The following TEAD1 variants were observed in gnomAD, a reference collection of about 807,000 sequenced individuals.
The protein encoded by TEAD1 is transcriptional enhancer factor TEF-1.
In TEAD1, 9 loss-of-function variants were observed where a neutral mutation model predicts 54.9. The ratio of observed to expected loss-of-function variants is 0.16; its 90% CI spans 0.10 to 0.29. TEAD1 has a LOEUF of 0.29. Among genes scored for constraint, TEAD1 ranks in the 10% least tolerant of loss-of-function variants. TEAD1 has a pLI of 1.00. For missense variants in TEAD1, 387 were observed against 535.9 expected, an observed-to-expected ratio of 0.72 and a Z score of 2.74; for synonymous variants, 200 against 187.8, an observed-to-expected ratio of 1.07 and a Z score of -0.53.
At chr11:12,885,034 A>G (rs888835853) in intron 9 of TEAD1, among the ~76,000 whole-genome samples, 1 of 152,104 alleles carries the variant, frequency 6.6e-6, no homozygotes, top group Non-Finnish European at 1.5e-5. Flanking sequence ...CTGTCCTTAC[A>G]GTGCCCCATC....
chr11:12,820,421 T>C (rs1946520179), intron 3 of TEAD1, among the ~76,000 whole-genome samples: 1 of 151,796 alleles, frequency 6.6e-6, no homozygotes, highest in African/African-American at 2.4e-5. Flanking sequence ...TGTTTTTCCT[T>C]TCTTCTTCTC....
intron 3 of TEAD1, among the ~76,000 whole-genome samples, chr11:12,790,803 A>AC (rs1166123702): frequency 6.6e-6 from 1 of 152,166 alleles, no homozygotes. Context: ...GCAAATTAAA[A>AC]CCCCAGTGAG....
intron 2 of TEAD1, among the ~76,000 whole-genome samples, chr11:12,711,342 C>G (rs1304638970): frequency 1.3e-5 from 2 of 152,154 alleles, no homozygotes; most frequent in African/African-American, 4.8e-5. Flanking sequence ...TGACATAATT[C>G]ATATTTGTTC....
chr11:12,906,898 A>G (rs2134135625), intron 10 of TEAD1, among the ~76,000 whole-genome samples: 1 of 152,270 alleles, frequency 6.6e-6, no homozygotes, highest in African/African-American at 2.4e-5. Context: ...TTGTTCATTC[A>G]CTGGTTGATA....
chr11:12,892,640 C>T (rs1948220161), intron 9 of TEAD1, among the ~76,000 whole-genome samples: 2 of 152,002 alleles, frequency 1.3e-5, no homozygotes, highest in African/African-American at 2.4e-5. Context: ...GAGACTCTGT[C>T]TCAAAAAAAT....
At chr11:12,883,405 A>G (rs569206635) in intron 9 of TEAD1, among the ~76,000 whole-genome samples, 4 of 152,290 alleles carry the variant, frequency 2.6e-5, no homozygotes, top group African/African-American at 4.8e-5. Flanking sequence ...ACAAGCTCTT[A>G]TGTTTTGTAA....
chr11:12,708,456 T>C (rs1943865718), intron 2 of TEAD1, among the ~76,000 whole-genome samples: 1 of 152,044 alleles, frequency 6.6e-6, no homozygotes, highest in Non-Finnish European at 1.5e-5. Context: ...ATTAACTCCA[T>C]TGATCAAAAA....
At chr11:12,767,178 C>T (rs1383031489) in intron 3 of TEAD1, among the ~76,000 whole-genome samples, 1 of 152,150 alleles carries the variant, frequency 6.6e-6, no homozygotes, top group Non-Finnish European at 1.5e-5. Flanking sequence ...GAGGCCCCAG[C>T]CACTCGAGAA....
intron 3 of TEAD1, among the ~76,000 whole-genome samples, chr11:12,777,088 C>T (rs981208574): frequency 2.0e-5 from 3 of 151,872 alleles, no homozygotes; most frequent in African/African-American, 7.3e-5. Flanking sequence ...CCACCGCACC[C>T]AGCCTTATTT....
At chr11:12,798,114 C>T (rs1314996892) in intron 3 of TEAD1, among the ~76,000 whole-genome samples, 1 of 152,178 alleles carries the variant, frequency 6.6e-6, no homozygotes, top group Non-Finnish European at 1.5e-5. Context: ...GGCCTCAGCT[C>T]CAGCTACACT....
intron 2 of TEAD1, among the ~76,000 whole-genome samples, chr11:12,753,209 C>T (rs963764361): frequency 1.3e-5 from 2 of 152,116 alleles, no homozygotes; most frequent in Non-Finnish European, 2.9e-5. Context: ...CTGTTACAAA[C>T]AATGAAAATA....
At chr11:12,793,229 G>A (rs976531407) in intron 3 of TEAD1, among the ~76,000 whole-genome samples, 3 of 151,944 alleles carry the variant, frequency 2.0e-5, no homozygotes, top group African/African-American at 7.3e-5. Context: ...GTCCTTGAGT[G>A]AGATACATAA....
chr11:12,773,043 G>C (rs1020860465), intron 3 of TEAD1, among the ~76,000 whole-genome samples: 2 of 152,144 alleles, frequency 1.3e-5, no homozygotes, highest in Admixed American at 6.5e-5. Flanking sequence ...GAACCTTTTG[G>C]GATTGGCTTT....
At chr11:12,929,118 T>C (rs999279737) in intron 11 of TEAD1, among the ~76,000 whole-genome samples, 9 of 151,714 alleles carry the variant, frequency 5.9e-5, no homozygotes, top group Non-Finnish European at 1.0e-4. Flanking sequence ...CAAGTTGTAT[T>C]TTTCTGGGAA....
chr11:12,871,987 G>A (rs1947755587), intron 5 of TEAD1, among the ~76,000 whole-genome samples: 1 of 152,118 alleles, frequency 6.6e-6, no homozygotes, highest in Non-Finnish European at 1.5e-5. Context: ...AGCTACATGT[G>A]CTCCCCCGGG....
chr11:12,732,247 G>T (rs1317168477), intron 2 of TEAD1, among the ~76,000 whole-genome samples: 6 of 152,092 alleles, frequency 3.9e-5, no homozygotes, highest in African/African-American at 1.4e-4. Flanking sequence ...GCAAATTCCA[G>T]TGTCAAATGA....
chr11:12,853,390 G>A (rs1199721318), intron 3 of TEAD1, among the ~76,000 whole-genome samples: 1 of 152,140 alleles, frequency 6.6e-6, no homozygotes, highest in Admixed American at 6.6e-5. Flanking sequence ...TTAGATGTGG[G>A]CAGTAGGAGC....
At chr11:12,911,508 A>G (rs963005293) in intron 10 of TEAD1, among the ~76,000 whole-genome samples, 13 of 152,104 alleles carry the variant, frequency 8.5e-5, no homozygotes, top group African/African-American at 3.1e-4. Context: ...TAAGTTTTCC[A>G]TTTCTCCCTA....
intron 12 of TEAD1, 151 bp from the exon 13 acceptor site, chr11:12,936,958 C>CT: frequency 1.6e-6 from 1 of 617,912 alleles, no homozygotes; most frequent in Non-Finnish European, 2.9e-6. Context: ...TTGTAGTGTT[C>CT]TGAATCTGTG....
Sources: allele counts gnomAD v4.1 joint callset (sites outside exome capture counted in the v4.1 genomes callset), GRCh38; gene constraint gnomAD v4.1.1; transcripts MANE v1.5; gene names NCBI Gene and HGNC (gene_info 2026-07-23, HGNC 2026-07-21).